The following CCBE1 variants were observed in gnomAD, a reference collection of about 807,000 sequenced individuals.
The protein encoded by CCBE1 is collagen and calcium binding EGF domains 1.
In CCBE1, 37 loss-of-function variants were observed where a neutral mutation model predicts 50.0. The observed-to-expected ratio is 0.74, with a 90% CI of 0.57 to 0.97. The LOEUF is 0.97. Ranked by LOEUF, CCBE1 falls within the 50% of genes least tolerant of loss-of-function variation. The pLI, the probability that CCBE1 is intolerant of heterozygous loss-of-function variation, is 0.00. For missense variants in CCBE1, 538 were observed against 523.8 expected (o/e 1.03, Z -0.26); for synonymous variants, 234 against 203.7 (o/e 1.15, Z -1.27).
At chr18:59,596,987 C>A (rs1449921535) in intron 2 of CCBE1, among the ~76,000 whole-genome samples, 1 of 152,194 alleles carries the variant, frequency 6.6e-6, no homozygotes, top group Non-Finnish European at 1.5e-5. Context: ...GAAGATACAG[C>A]AAGCAAAGAA....
At chr18:59,507,608 G>C (rs191740345) in intron 2 of CCBE1, among the ~76,000 whole-genome samples, 1 of 152,174 alleles carries the variant, frequency 6.6e-6, no homozygotes, top group Admixed American at 6.5e-5. Flanking sequence ...TGCTGTGGCT[G>C]TTTCCTTTGC....
At chr18:59,477,641 AT>A (rs1912377194) in intron 3 of CCBE1, among the ~76,000 whole-genome samples, 2 of 152,024 alleles carry the variant, frequency 1.3e-5, no homozygotes, top group African/African-American at 4.8e-5. Context: ...GTGACTTTAT[AT>A]CACAGTATTT....
In CCBE1 at chr18:59,507,511, C is replaced by T. The variant is rs150405975; in HGVS notation, c.213-27273G>A. ...GCCTCATGTTCTTCCTTGTCAGATC[C>T]GCCACCCTCTGTCTGGCTTCTGAGG... On this transcript the variant is annotated intron_variant, in intron 2 of 10. Transcript: ENST00000439986. 5.4e-4 allele frequency among the ~76,000 whole-genome samples: 82 copies of T among 152,296 alleles called. 1 individual carries two copies. Among genetic ancestry groups the T allele is most frequent in the Middle Eastern group, 3.4e-3 (1 of 294 alleles).
chr18:59,500,791 C>T (rs1913582570), intron 2 of CCBE1, among the ~76,000 whole-genome samples: 1 of 152,328 alleles, frequency 6.6e-6, no homozygotes, highest in East Asian at 1.9e-4. Context: ...CACTCAGGAC[C>T]TGCTGCCCTT....
chr18:59,452,050 C>T (rs72958144), intron 6 of CCBE1, among the ~76,000 whole-genome samples: 19,877 of 152,134 alleles, frequency 0.13, 1,331 homozygotes, highest in Non-Finnish European at 0.15. Context: ...GTGATAGGTC[C>T]TTTAAGTTTC....
chr18:59,680,747 AAAC>A (rs1172955376), intron 2 of CCBE1, among the ~76,000 whole-genome samples: 1 of 152,102 alleles, frequency 6.6e-6, no homozygotes, highest in African/African-American at 2.4e-5. Context: ...AAAAATGAAG[AAAC>A]AACAGCTGCA....
intron 2 of CCBE1, among the ~76,000 whole-genome samples, chr18:59,672,306 T>C (rs1231740744): frequency 2.0e-5 from 3 of 152,178 alleles, no homozygotes; most frequent in Non-Finnish European, 2.9e-5. Context: ...CTCCCATTCC[T>C]GTGCACAAGC....
intron 2 of CCBE1, among the ~76,000 whole-genome samples, chr18:59,627,986 G>A (rs572004060): frequency 1.2e-4 from 19 of 152,330 alleles, no homozygotes; most frequent in African/African-American, 4.6e-4. Context: ...GCCAAGGTGG[G>A]CAGATCGCTT....
chr18:59,652,838 C>T (rs1023206301), intron 2 of CCBE1, among the ~76,000 whole-genome samples: 1 of 152,120 alleles, frequency 6.6e-6, no homozygotes, highest in African/African-American at 2.4e-5. Flanking sequence ...GCGGCGGGCG[C>T]CTGTAGTCCC....
intron 2 of CCBE1, among the ~76,000 whole-genome samples, chr18:59,618,858 T>C (rs1265379540): frequency 6.6e-6 from 1 of 152,138 alleles, no homozygotes; most frequent in Non-Finnish European, 1.5e-5. Context: ...TTAATAACTA[T>C]AATTATTGGA....
At chr18:59,579,954 T>A (rs957195259) in intron 2 of CCBE1, among the ~76,000 whole-genome samples, 1 of 152,134 alleles carries the variant, frequency 6.6e-6, no homozygotes, top group Admixed American at 6.5e-5. Context: ...TAAGAATAAA[T>A]CACCCTGAAG....
intron 2 of CCBE1, among the ~76,000 whole-genome samples, chr18:59,521,207 T>A (rs1914584638): frequency 6.6e-6 from 1 of 152,206 alleles, no homozygotes. Context: ...AGTTGAAAAT[T>A]AAGAGCCAAA....
chr18:59,574,289 G>A lies in CCBE1; in HGVS notation c.213-94051C>T, dbSNP rs548961000. ...TATAGTACGGTTAGTTGCCCAAAAA[G>A]TGTCTTTAGTTTAGAACTTCCAATA... On this transcript the variant is annotated intron_variant, in intron 2 of 10. Coordinates refer to ENST00000439986, the MANE Select transcript of CCBE1 (RefSeq NM_133459.4). Among the ~76,000 whole-genome samples, 5 of 152,340 alleles carry A rather than the reference G, an allele frequency of 3.3e-5. No homozygotes were observed. In the East Asian group the frequency reaches 9.6e-4, roughly 29 times the overall value.
chr18:59,506,406 C>A (rs149250576), intron 2 of CCBE1, among the ~76,000 whole-genome samples: 4 of 152,304 alleles, frequency 2.6e-5, no homozygotes, highest in African/African-American at 9.6e-5. Context: ...TTAAGTCACT[C>A]AGTTTGTGGC....
intron 2 of CCBE1, among the ~76,000 whole-genome samples, chr18:59,482,148 T>G (rs1290881525): frequency 6.6e-6 from 1 of 152,230 alleles, no homozygotes; most frequent in Non-Finnish European, 1.5e-5. Flanking sequence ...ACACGCGGTT[T>G]TCTGTTCCTG....
At chr18:59,482,747 C>T (rs187920798) in intron 2 of CCBE1, among the ~76,000 whole-genome samples, 1 of 152,044 alleles carries the variant, frequency 6.6e-6, no homozygotes, top group East Asian at 1.9e-4. Flanking sequence ...GTCTCCTGCT[C>T]GCATTACTTT....
intron 2 of CCBE1, among the ~76,000 whole-genome samples, chr18:59,488,653 A>G (rs1335473119): frequency 2.6e-5 from 4 of 152,156 alleles, no homozygotes. Context: ...CCAGGTGAGA[A>G]TCCGGGCTCT....
intron 2 of CCBE1, among the ~76,000 whole-genome samples, chr18:59,605,963 C>T (rs1013443761): frequency 2.6e-5 from 4 of 152,136 alleles, no homozygotes; most frequent in African/African-American, 4.8e-5. Flanking sequence ...AGAGAAATCG[C>T]GATGCTCGAA....
chr18:59,621,480 C>T (rs1356542362), intron 2 of CCBE1, among the ~76,000 whole-genome samples: 1 of 152,214 alleles, frequency 6.6e-6, no homozygotes, highest in African/African-American at 2.4e-5. Flanking sequence ...TCCTTGTACA[C>T]AGAGGCAGCA....
Sources: gnomAD v4.1 joint callset for allele counts (sites outside exome capture counted in the v4.1 genomes callset) on GRCh38, gnomAD v4.1.1 for gene constraint, MANE v1.5 for transcripts, NCBI Gene and HGNC (gene_info 2026-07-23, HGNC 2026-07-21) for gene names.